NUDT9: variants seen among roughly 807,000 people sequenced by gnomAD.
NUDT9 encodes the protein nudix hydrolase 9.
Under a neutral mutation model 41.0 loss-of-function variants are expected in NUDT9, and 31 were observed. That is an observed-to-expected ratio of 0.76 (90% CI 0.57 to 1.02). The LOEUF is 1.02. Ranked by LOEUF, NUDT9 falls within the 50% of genes least tolerant of loss-of-function variation. NUDT9 has a pLI of 0.00. For missense variants in NUDT9, 380 were observed against 431.4 expected, an observed-to-expected ratio of 0.88 and a Z score of 1.06; for synonymous variants, 146 against 147.6, an observed-to-expected ratio of 0.99 and a Z score of 0.08.
chr4:87,426,132 GA>G (rs1479618799), intron 1 of NUDT9, among the ~76,000 whole-genome samples: 6 of 151,858 alleles, frequency 4.0e-5, no homozygotes, highest in Non-Finnish European at 5.9e-5. Context: ...ACATTTTCTA[GA>G]AAAAAGGTAG....
Position 87,446,091 on chromosome 4 carries a change from T to G in NUDT9, c.531-3051T>G, listed in dbSNP as rs78593086. Among the ~76,000 whole-genome samples, 51 of 152,178 alleles carry G rather than the reference T, an allele frequency of 3.4e-4. No homozygotes were observed. The East Asian group carries it at 9.1e-3, about 27-fold the overall frequency. ...GCCAGTGGCCAGCATCTCTCTCTATTCTGTTTCTCATCCTTGTTTCATAGT... is the reference window on the plus strand; with the variant it reads ...GCCAGTGGCCAGCATCTCTCTCTATGCTGTTTCTCATCCTTGTTTCATAGT... On this transcript the variant is annotated intron_variant, in intron 4 of 7. Coordinates refer to ENST00000302174, the MANE Select transcript of NUDT9 (RefSeq NM_024047.5).
intron 1 of NUDT9, among the ~76,000 whole-genome samples, chr4:87,426,100 A>G (rs1425066274): frequency 6.6e-6 from 1 of 152,228 alleles, no homozygotes; most frequent in African/African-American, 2.4e-5. Flanking sequence ...GGTGTGAGAC[A>G]CTGCTCCCAG....
intron 6 of NUDT9, among the ~76,000 whole-genome samples, chr4:87,452,564 C>T (rs577972202): frequency 6.6e-5 from 10 of 152,032 alleles, no homozygotes; most frequent in African/African-American, 2.4e-4. Context: ...GATCCTCCCA[C>T]GTCAGTCTTC....
chr4:87,444,242 T>C (rs1722347060), intron 4 of NUDT9, among the ~76,000 whole-genome samples: 1 of 152,172 alleles, frequency 6.6e-6, no homozygotes, highest in African/African-American at 2.4e-5. Context: ...TCAAGGAGAC[T>C]CTGTTTTTCT....
intron 4 of NUDT9, among the ~76,000 whole-genome samples, chr4:87,446,089 A>C (rs1196215270): frequency 6.6e-6 from 1 of 151,782 alleles, no homozygotes; most frequent in Non-Finnish European, 1.5e-5. Context: ...ATCTCTCTCT[A>C]TTCTGTTTCT....
chr4:87,446,247 CTTTTTTTTTT>C (rs386400738), intron 4 of NUDT9, among the ~76,000 whole-genome samples: 1 of 124,234 alleles, frequency 8.0e-6, no homozygotes, highest in East Asian at 2.3e-4. Context: ...CTTATCTTTC[CTTTTTTTTTT>C]TTTTTTTTTA....
chr4:87,442,018 C>A, intron 4 of NUDT9, 103 bp downstream of exon 4: 1 of 728,920 alleles, frequency 1.4e-6, no homozygotes, highest in East Asian at 2.8e-5. Context: ...TGTGTATATA[C>A]ATATGTATGT....
intron 5 of NUDT9, among the ~76,000 whole-genome samples, chr4:87,450,378 CTTTTTTTTTTT>C (rs59228872): frequency 4.9e-5 from 5 of 102,308 alleles, no homozygotes; most frequent in Non-Finnish European, 7.8e-5. Context: ...TTTTCTTTTT[CTTTTTTTTTTT>C]TTTTTTTTTG....
intron 4 of NUDT9, among the ~76,000 whole-genome samples, chr4:87,442,831 G>A (rs1722273729): frequency 6.6e-6 from 1 of 151,856 alleles, no homozygotes; most frequent in Non-Finnish European, 1.5e-5. Flanking sequence ...AAGTTGTCAG[G>A]GGCAGTAATA....
intron 1 of NUDT9, among the ~76,000 whole-genome samples, chr4:87,430,026 T>C (rs1409096111): frequency 2.6e-5 from 4 of 152,184 alleles, no homozygotes; most frequent in Non-Finnish European, 5.9e-5. Flanking sequence ...TGGTTAAGGT[T>C]AAGGACTTTG....
chr4:87,450,202 G>A (rs912123656), intron 5 of NUDT9, among the ~76,000 whole-genome samples: 1 of 151,974 alleles, frequency 6.6e-6, no homozygotes, highest in East Asian at 1.9e-4. Context: ...GTGTGGTAGA[G>A]GGTTTTATAT....
Position 87,458,197 on chromosome 4 carries a change from A to T in NUDT9, c.*176A>T, listed in dbSNP as rs915074063. The T allele has an allele frequency of 4.4e-6, 2 of 455,192 alleles. No individual in the cohort carries two copies. Among genetic ancestry groups the T allele is most frequent in the Admixed American group, 8.4e-5 (2 of 23,814 alleles). 28.2% of individuals were successfully genotyped at this position (455,192 alleles called of 1,614,324 possible). A position where few individuals can be genotyped will look rare whatever the true frequency, so the allele number is the denominator to read the frequency against. ...AATAACATGAGTAAGATGAACTGGAACACAAAATTTTCAGCTCTTTGGTCA... is the reference window on the plus strand; with the variant it reads ...AATAACATGAGTAAGATGAACTGGATCACAAAATTTTCAGCTCTTTGGTCA... On this transcript the variant is annotated 3_prime_UTR_variant, in exon 8 of 8. Transcript: ENST00000302174.
Position 87,438,138 on chromosome 4 carries a change from GAA to G in NUDT9, c.348-125_348-124del, listed in dbSNP as rs11395564. On this transcript the variant is annotated intron_variant, in intron 2 of 7. Transcript: ENST00000302174. The stretch of plus-strand genomic sequence containing the variant: ...TTTTGAAGGAATAAGATGGATTTGT[GAA>G]AAAAAAAAAAAAACTAACCCTTAAA... The G allele has an allele frequency of 5.8e-3, 1,878 of 323,948 alleles. 3 individuals carry two copies. Among genetic ancestry groups the G allele is most frequent in the Non-Finnish European group, 7.7e-3 (1,380 of 178,610 alleles). The allele number at this position is 323,948 out of a possible 1,614,324, so 20.1% of individuals were successfully genotyped here.
At chr4:87,444,701 T>G (rs1722369421) in intron 4 of NUDT9, among the ~76,000 whole-genome samples, 1 of 152,184 alleles carries the variant, frequency 6.6e-6, no homozygotes, top group African/African-American at 2.4e-5. Context: ...TTAGCTTATC[T>G]TTATCTATGG....
intron 1 of NUDT9, among the ~76,000 whole-genome samples, chr4:87,423,753 G>A (rs1336802822): frequency 6.6e-6 from 1 of 152,096 alleles, no homozygotes; most frequent in Non-Finnish European, 1.5e-5. Context: ...CTGGTTATCT[G>A]TCTATATTTT....
intron 7 of NUDT9, among the ~76,000 whole-genome samples, chr4:87,457,576 G>T (rs962644217): frequency 6.6e-6 from 1 of 151,966 alleles, no homozygotes; most frequent in Non-Finnish European, 1.5e-5. Context: ...ATATAATCTC[G>T]TTTTTAAGGA....
chr4:87,441,848 G>A lies in NUDT9; in HGVS notation c.463G>A (p.Gly155Arg). Residue 155 changes from glycine (G) to arginine (R), a missense_variant, in exon 4 of 8, where the codon GGA becomes AGA. Transcript: ENST00000302174. ...GRPRNPAGRT[G>R]LVGRGLLGRW... ...TTCCAGAAATCCTGCAGGACGGACT[G>A]GACTGGTGGGCCGGGGGCTTTTGGG... is the stretch of plus-strand genomic sequence containing the variant. The A allele has an allele frequency of 1.2e-6, 2 of 1,613,648 alleles. No individual in the cohort carries two copies. The highest frequency in any genetic ancestry group is 1.3e-5 in the African/African-American group (1 of 75,008).
chr4:87,435,598 G>A (rs1300427580), intron 2 of NUDT9, among the ~76,000 whole-genome samples: 1 of 152,076 alleles, frequency 6.6e-6, no homozygotes, highest in Non-Finnish European at 1.5e-5. Context: ...TTCCAACATA[G>A]CTAGACTTGT....
chr4:87,458,667 T>C lies in NUDT9; in HGVS notation c.*646T>C, dbSNP rs1723089659. On this transcript the variant is annotated 3_prime_UTR_variant, in exon 8 of 8. Coordinates refer to ENST00000302174, the MANE Select transcript of NUDT9 (RefSeq NM_024047.5). ...AGCTGATACTCTCATTTTCAAAAAT[T>C]CTGAATTAAAAAAAGTCCAGGAAGT... 6.6e-6 allele frequency: 1 copy of C among 152,196 alleles called. No individual in the cohort carries two copies. Among genetic ancestry groups the C allele is most frequent in the Non-Finnish European group, 1.5e-5 (1 of 68,042 alleles). The allele number at this position is 152,196 out of a possible 1,614,324, so 9.4% of individuals were successfully genotyped here. A position where few individuals can be genotyped will look rare whatever the true frequency, so the allele number is the denominator to read the frequency against.
Sources: allele counts gnomAD v4.1 joint callset (sites outside exome capture counted in the v4.1 genomes callset), GRCh38; gene constraint gnomAD v4.1.1; transcripts MANE v1.5; gene names NCBI Gene and HGNC (gene_info 2026-07-23, HGNC 2026-07-21).